NDUFA10: variants seen among roughly 807,000 people sequenced by gnomAD.
NDUFA10 encodes the protein NADH:ubiquinone oxidoreductase subunit A10, also known as NADH dehydrogenase [ubiquinone] 1 alpha subcomplex subunit 10, mitochondrial.
A neutral mutation model predicts 47.8 loss-of-function variants in NDUFA10; 40 were observed. That is an observed-to-expected ratio of 0.84 (90% CI 0.65 to 1.09). The LOEUF (loss-of-function observed/expected upper bound fraction) is 1.09, where lower values mean the gene tolerates loss of function less well. NDUFA10 is among the 50% of genes least tolerant of loss of function. NDUFA10 has a pLI of 0.00. For missense variants in NDUFA10, 413 were observed against 451.1 expected, an observed-to-expected ratio of 0.92 and a Z score of 0.76; for synonymous variants, 183 against 172.2, an observed-to-expected ratio of 1.06 and a Z score of -0.49.
intron 6 of NDUFA10, among the ~76,000 whole-genome samples, chr2:240,008,681 G>A (rs1697033197): frequency 6.6e-6 from 1 of 152,356 alleles, no homozygotes; most frequent in Admixed American, 6.5e-5. Flanking sequence ...AGATCAGGAC[G>A]ATGTGACAGT....
intron 4 of NDUFA10, among the ~76,000 whole-genome samples, chr2:239,950,487 T>C (rs565311742): frequency 3.5e-4 from 54 of 152,378 alleles, no homozygotes; most frequent in Middle Eastern, 3.4e-3. Flanking sequence ...ACTCTGTTTT[T>C]AGGCATCTGA....
intron 4 of NDUFA10, among the ~76,000 whole-genome samples, chr2:239,917,187 A>C (rs1693894203): frequency 1.4e-5 from 2 of 144,704 alleles, no homozygotes. Context: ...GAAATTAAAT[A>C]AATAATAAAA....
chr2:239,947,712 C>T (rs1694478417), intron 4 of NDUFA10, among the ~76,000 whole-genome samples: 1 of 152,226 alleles, frequency 6.6e-6, no homozygotes. Flanking sequence ...CCACTGAAGG[C>T]CTCAAAGACT....
chr2:239,946,546 G>A (rs922991989), intron 4 of NDUFA10, among the ~76,000 whole-genome samples: 5 of 152,194 alleles, frequency 3.3e-5, no homozygotes, highest in South Asian at 2.1e-4. Context: ...CCCCCACACC[G>A]TTCAGGTATC....
chr2:239,904,587 G>A (rs1195171583), intron 4 of NDUFA10, among the ~76,000 whole-genome samples: 1 of 152,148 alleles, frequency 6.6e-6, no homozygotes, highest in African/African-American at 2.4e-5. Context: ...CAGCCACCAT[G>A]CCCAGCCCCT....
chr2:239,916,971 C>T (rs1041226522), intron 4 of NDUFA10, among the ~76,000 whole-genome samples: 2 of 152,246 alleles, frequency 1.3e-5, no homozygotes, highest in Non-Finnish European at 2.9e-5. Flanking sequence ...CATTACAGGG[C>T]AGACATGAAA....
intron 4 of NDUFA10, among the ~76,000 whole-genome samples, chr2:239,919,578 A>C (rs1202306875): frequency 1.3e-5 from 2 of 152,074 alleles, no homozygotes; most frequent in Admixed American, 1.3e-4. Flanking sequence ...ATTCACCAAA[A>C]CACCTGCAGT....
chr2:239,961,495 T>C (rs981302124), intron 9 of NDUFA10, among the ~76,000 whole-genome samples: 1 of 152,070 alleles, frequency 6.6e-6, no homozygotes, highest in South Asian at 2.1e-4. Flanking sequence ...CAGAGAGCAA[T>C]GGGTGGCACT....
At chr2:239,899,954 A>G (rs2106463890) in intron 4 of NDUFA10, among the ~76,000 whole-genome samples, 1 of 152,068 alleles carries the variant, frequency 6.6e-6, no homozygotes, top group East Asian at 1.9e-4. Flanking sequence ...CTGGGAAGTT[A>G]TCTTCCCATT....
At chr2:240,011,873 C>A in intron 5 of NDUFA10, 177 bp from the exon 6 acceptor site, 1 of 660,292 alleles carries the variant, frequency 1.5e-6, no homozygotes, top group South Asian at 1.6e-5. Flanking sequence ...AGTCATTCTC[C>A]TTCTACTACA....
rs187360097 is a variant in NDUFA10 at position 239,994,667 on chromosome 2, C to T, written c.891-4485G>A. Among the ~76,000 whole-genome samples the T allele has an allele frequency of 1.9e-3, 287 of 152,248 alleles. 1 individual carries two copies. Among genetic ancestry groups the T allele is most frequent in the African/African-American group, 6.4e-3 (267 of 41,540 alleles). Reference sequence around the variant, plus strand: ...GTGTAAAAACTGCCTTCCATGAAACCGGTCCCTGGTGCCAAAAAGGTTTGG... The same window carrying T: ...GTGTAAAAACTGCCTTCCATGAAACTGGTCCCTGGTGCCAAAAAGGTTTGG... On this transcript the variant is annotated intron_variant, in intron 8 of 9. Coordinates refer to ENST00000252711, the MANE Select transcript of NDUFA10 (RefSeq NM_004544.4).
At chr2:239,944,853 C>T (rs1694417996) in intron 4 of NDUFA10, among the ~76,000 whole-genome samples, 1 of 152,128 alleles carries the variant, frequency 6.6e-6, no homozygotes, top group Non-Finnish European at 1.5e-5. Context: ...GGAAACTGGT[C>T]CCCAAAGCTC....
intron 1 of NDUFA10, among the ~76,000 whole-genome samples, chr2:240,023,146 C>T (rs1302974719): frequency 6.6e-6 from 1 of 152,142 alleles, no homozygotes; most frequent in East Asian, 1.9e-4. Context: ...AAAGTGGGAA[C>T]ATTCCTTCCA....
intron 5 of NDUFA10, chr2:240,012,075 T>C (rs1697166545): frequency 6.2e-6 from 2 of 323,416 alleles, no homozygotes; most frequent in Admixed American, 4.2e-5. Flanking sequence ...CCGCCATCTG[T>C]CCTCAGCACA....
At chr2:239,939,717 A>G (rs1694327561) in intron 4 of NDUFA10, among the ~76,000 whole-genome samples, 1 of 152,248 alleles carries the variant, frequency 6.6e-6, no homozygotes, top group South Asian at 2.1e-4. Context: ...AAGGATGCAA[A>G]CAGGCAATGG....
At chr2:239,899,145 T>A (rs1302205860) in intron 4 of NDUFA10, among the ~76,000 whole-genome samples, 4 of 5,708 alleles carry the variant, frequency 7.0e-4, no homozygotes, top group East Asian at 3.1e-3. Context: ...GATGGAGGGG[T>A]GTGATGGAGG....
At chr2:240,008,481 G>A (rs890439422) in intron 6 of NDUFA10, among the ~76,000 whole-genome samples, 3 of 152,184 alleles carry the variant, frequency 2.0e-5, no homozygotes, top group Non-Finnish European at 4.4e-5. Context: ...GAAGAGAAAG[G>A]CACAAAGTGA....
intron 9 of NDUFA10, among the ~76,000 whole-genome samples, chr2:239,968,686 C>A (rs1695185994): frequency 6.6e-6 from 1 of 152,190 alleles, no homozygotes; most frequent in Non-Finnish European, 1.5e-5. Context: ...ACAGGGGACC[C>A]ACTCGGTCTC....
intron 8 of NDUFA10, among the ~76,000 whole-genome samples, chr2:239,993,544 T>C (rs975227760): frequency 1.3e-5 from 2 of 152,150 alleles, no homozygotes; most frequent in African/African-American, 4.8e-5. Context: ...TCTGAATTAA[T>C]TCTGGGAAAG....
Sources: allele counts gnomAD v4.1 joint callset (sites outside exome capture counted in the v4.1 genomes callset), GRCh38; gene constraint gnomAD v4.1.1; transcripts MANE v1.5; gene names NCBI Gene and HGNC (gene_info 2026-07-23, HGNC 2026-07-21).